The following PSPH variants were observed in gnomAD, a reference collection of about 807,000 sequenced individuals.
PSPH encodes L-3-phosphoserine phosphatase.
Under a neutral mutation model 23.4 loss-of-function variants are expected in PSPH, and 16 were observed. The observed-to-expected ratio is 0.68, with a 90% CI of 0.46 to 1.04. PSPH has a LOEUF of 1.04. PSPH is among the 50% of genes least tolerant of loss of function. PSPH has a pLI of 0.00. For missense variants in PSPH, 223 were observed against 273.7 expected (o/e 0.81, Z 1.31); for synonymous variants, 68 against 99.7 (o/e 0.68, Z 1.89).
intron 1 of PSPH, among the ~76,000 whole-genome samples, chr7:56,046,313 T>G (rs1793239096): frequency 6.6e-6 from 1 of 152,010 alleles, no homozygotes; most frequent in Non-Finnish European, 1.5e-5. Context: ...ATTGTGTATT[T>G]TTTTAGTAGA....
At chr7:56,041,792 T>G (rs1189217592) in intron 1 of PSPH, among the ~76,000 whole-genome samples, 7 of 151,816 alleles carry the variant, frequency 4.6e-5, no homozygotes. Context: ...GGTGTGGTAG[T>G]GCATGCCTGC....
intron 1 of PSPH, among the ~76,000 whole-genome samples, chr7:56,048,736 G>A (rs1030728215): frequency 6.6e-6 from 1 of 151,030 alleles, no homozygotes; most frequent in Admixed American, 6.6e-5. Context: ...CTGGGTTCAA[G>A]CAATTCCACC....
At chr7:56,047,609 T>C (rs1216074575) in intron 1 of PSPH, among the ~76,000 whole-genome samples, 5 of 151,466 alleles carry the variant, frequency 3.3e-5, no homozygotes, top group African/African-American at 9.7e-5. Flanking sequence ...ACTCTTCCTA[T>C]AATGCCTTGA....
chr7:56,036,120 G>A (rs1367196526), intron 1 of PSPH, among the ~76,000 whole-genome samples: 4 of 151,844 alleles, frequency 2.6e-5, no homozygotes, highest in Admixed American at 1.3e-4. Context: ...CCAGCTACTC[G>A]GGAGGCTGAG....
At chr7:56,027,862 C>T (rs965244932) in intron 3 of PSPH, among the ~76,000 whole-genome samples, 10 of 136,584 alleles carry the variant, frequency 7.3e-5, no homozygotes, top group African/African-American at 2.5e-4. Context: ...GATCAGTTCT[C>T]GAGAACACAG....
chr7:56,020,061 A>G (rs1789135471), intron 4 of PSPH, among the ~76,000 whole-genome samples: 2 of 152,084 alleles, frequency 1.3e-5, no homozygotes, highest in Admixed American at 6.6e-5. Flanking sequence ...TACTAAAAAA[A>G]TGCAAAAATT....
intron 1 of PSPH, among the ~76,000 whole-genome samples, chr7:56,035,080 C>A (rs1791558415): frequency 6.6e-6 from 1 of 152,054 alleles, no homozygotes. Flanking sequence ...GTGGCTCAAG[C>A]ATGTAATCCC....
intron 5 of PSPH, 83 bp downstream of exon 5, chr7:56,019,517 T>C: frequency 6.4e-7 from 1 of 1,568,274 alleles, no homozygotes; most frequent in Non-Finnish European, 8.7e-7. Flanking sequence ...GAGGGCACTC[T>C]AAAGGAATAG....
chr7:56,014,853 G>A (rs1788374159), intron 7 of PSPH, among the ~76,000 whole-genome samples, 170 bp downstream of exon 7: 1 of 152,116 alleles, frequency 6.6e-6, no homozygotes, highest in Non-Finnish European at 1.5e-5. Flanking sequence ...TGAGACACAA[G>A]AATGGTTTGA....
intron 4 of PSPH, among the ~76,000 whole-genome samples, chr7:56,020,744 C>T (rs1329977129): frequency 6.6e-6 from 1 of 152,046 alleles, no homozygotes; most frequent in Admixed American, 6.6e-5. Flanking sequence ...CAGGATCCAC[C>T]AAGAGACTCT....
At chr7:56,049,924 C>T (rs529388648) in intron 1 of PSPH, among the ~76,000 whole-genome samples, 29 of 150,792 alleles carry the variant, frequency 1.9e-4, no homozygotes, top group African/African-American at 6.3e-4. Flanking sequence ...TTTACAGAGA[C>T]GGGGTTTCAC....
At chr7:56,036,567 T>A (rs1236083795) in intron 1 of PSPH, among the ~76,000 whole-genome samples, 4 of 149,050 alleles carry the variant, frequency 2.7e-5, no homozygotes, top group Non-Finnish European at 4.5e-5. Context: ...ATTTCGAGGT[T>A]ACAGTGAGCC....
At chr7:56,022,208 G>A (rs1182530994) in intron 3 of PSPH, among the ~76,000 whole-genome samples, 3 of 151,896 alleles carry the variant, frequency 2.0e-5, no homozygotes, top group Admixed American at 6.6e-5. Context: ...AGTGGTGCAC[G>A]CCTGTAATCC....
intron 5 of PSPH, 134 bp downstream of exon 5, chr7:56,019,466 A>C: frequency 8.6e-7 from 1 of 1,161,788 alleles, no homozygotes; most frequent in Non-Finnish European, 1.2e-6. Flanking sequence ...AAAAATAATT[A>C]AAAAATTAAA....
chr7:56,016,136 C>T (rs1025657061), intron 6 of PSPH, among the ~76,000 whole-genome samples: 7 of 151,622 alleles, frequency 4.6e-5, no homozygotes, highest in African/African-American at 1.2e-4. Flanking sequence ...CAGTGGCTCA[C>T]GCCTGTAATC....
At chr7:56,020,716 G>C (rs1257860890) in intron 4 of PSPH, among the ~76,000 whole-genome samples, 1 of 151,824 alleles carries the variant, frequency 6.6e-6, no homozygotes, top group Admixed American at 6.6e-5. Context: ...GGGCAGGAGG[G>C]AGAGAGGGGA....
chr7:56,037,706 A>ATTTTT (rs71015167), intron 1 of PSPH, among the ~76,000 whole-genome samples: 28 of 115,310 alleles, frequency 2.4e-4, no homozygotes, highest in South Asian at 2.8e-4. Context: ...AAGCTAACAA[A>ATTTTT]TTTTTTTTTT....
intron 1 of PSPH, among the ~76,000 whole-genome samples, chr7:56,045,738 T>C (rs1793138699): frequency 6.6e-6 from 1 of 151,718 alleles, no homozygotes; most frequent in Admixed American, 6.6e-5. Context: ...ATACAAAAAT[T>C]AGCTGGGTGT....
chr7:56,050,186 A>T (rs1472294699), intron 1 of PSPH, among the ~76,000 whole-genome samples: 1 of 152,184 alleles, frequency 6.6e-6, no homozygotes, highest in Non-Finnish European at 1.5e-5. Flanking sequence ...CCCACCTAAG[A>T]GCATCATATA....
Sources: gnomAD v4.1 joint callset for allele counts (sites outside exome capture counted in the v4.1 genomes callset) on GRCh38, gnomAD v4.1.1 for gene constraint, MANE v1.5 for transcripts, NCBI Gene and HGNC (gene_info 2026-07-23, HGNC 2026-07-21) for gene names.